CCDC138: variants seen among roughly 807,000 people sequenced by gnomAD.
The protein encoded by CCDC138 is coiled-coil domain containing 138.
A neutral mutation model predicts 82.3 loss-of-function variants in CCDC138; 66 were observed. The observed-to-expected ratio is 0.80, with a 90% CI of 0.66 to 0.98. The LOEUF is 0.98. Ranked by LOEUF, CCDC138 falls within the 50% of genes least tolerant of loss-of-function variation. The pLI is 0.00. For missense variants in CCDC138, 816 were observed against 758.9 expected, an observed-to-expected ratio of 1.08 and a Z score of -0.88; for synonymous variants, 297 against 265.4, an observed-to-expected ratio of 1.12 and a Z score of -1.16.
intron 10 of CCDC138, among the ~76,000 whole-genome samples, chr2:108,817,432 A>G (rs1422816163): frequency 6.6e-6 from 1 of 152,014 alleles, no homozygotes; most frequent in East Asian, 1.9e-4. Flanking sequence ...AGCTGAGACT[A>G]CAGGTGTGTG....
At chr2:108,788,217 G>A in intron 2 of CCDC138, 128 bp downstream of exon 2, 1 of 865,984 alleles carries the variant, frequency 1.2e-6, no homozygotes, top group Non-Finnish European at 1.7e-6. Context: ...TCAGGAGTTC[G>A]AGACCACTCA....
chr2:108,820,712 A>AAAC (rs79891738), intron 10 of CCDC138, among the ~76,000 whole-genome samples: 1,471 of 22,552 alleles, frequency 0.065, 27 homozygotes, highest in East Asian at 0.39. Context: ...AAAAAAAAAA[A>AAAC]AAACAAACAA....
At position 108,824,170 on chromosome 2, in the gene CCDC138, ATT is replaced by A. The variant is rs34458775; in HGVS notation, c.1206+8070_1206+8071del. Among the ~76,000 whole-genome samples the A allele has an allele frequency of 1.9e-3, 286 of 151,850 alleles. 3 individuals are homozygous for A. Among genetic ancestry groups the A allele is most frequent in the African/African-American group, 6.7e-3 (277 of 41,410 alleles). On this transcript the variant is annotated intron_variant, in intron 10 of 14. Transcript: ENST00000295124. Reference sequence around the variant, plus strand: ...GACTACACTAAATTTAGAAAAAAAAATTTTTTCTTCATTAACAAATTAAGCTT... The same window carrying A: ...GACTACACTAAATTTAGAAAAAAAAATTTTCTTCATTAACAAATTAAGCTT...
chr2:108,878,435 A>G (rs930696871), downstream of CCDC138: 5 of 215,942 alleles, frequency 2.3e-5, no homozygotes, highest in African/African-American at 1.2e-4. Context: ...AAGAGGAGAC[A>G]CTGGAGAGGA....
At chr2:108,873,616 T>A in intron 14 of CCDC138, 27 bp downstream of exon 14, 2 of 1,511,980 alleles carry the variant, frequency 1.3e-6, no homozygotes. Flanking sequence ...TCTAACATTT[T>A]TTATTGAAAA....
chr2:108,848,269 ATATT>A, intron 12 of CCDC138, among the ~76,000 whole-genome samples: 1 of 152,332 alleles, frequency 6.6e-6, no homozygotes. Context: ...GCAATAAGGG[ATATT>A]TATGTGAAAT....
At position 108,812,864 on chromosome 2, in the gene CCDC138, C is replaced by G. The variant is rs1184678395; in HGVS notation, c.978C>G (p.Ser326=). Reference sequence around the variant, plus strand: ...CAATACAGAGATTGAAAGGAAGTTCCCATGCTGTTCATGAAATGAAAAGTT... The same window carrying G: ...CAATACAGAGATTGAAAGGAAGTTCGCATGCTGTTCATGAAATGAAAAGTT... ...FMTIQRLKGS[S]HAVHEMKSLK... Residue 326 remains serine (S), a synonymous_variant, in exon 9 of 15, where the codon TCC becomes TCG. Coordinates refer to ENST00000295124, the MANE Select transcript of CCDC138 (RefSeq NM_144978.3). 1.2e-6 allele frequency: 2 copies of G among 1,613,374 alleles called. No homozygotes were observed. Among genetic ancestry groups the G allele is most frequent in the Admixed American group, 3.3e-5 (2 of 59,992 alleles).
chr2:108,822,894 T>G (rs532394944), intron 10 of CCDC138, among the ~76,000 whole-genome samples: 1 of 151,998 alleles, frequency 6.6e-6, no homozygotes, highest in East Asian at 1.9e-4. Flanking sequence ...ATCAACAAAA[T>G]TGACAAACCG....
At chr2:108,877,519 T>C (rs1696113059), downstream of CCDC138, among the ~76,000 whole-genome samples, 2 of 151,836 alleles carry the variant, frequency 1.3e-5, no homozygotes, top group South Asian at 4.2e-4. Flanking sequence ...AAGTGCACAT[T>C]AGAAACAAAA....
intron 7 of CCDC138, among the ~76,000 whole-genome samples, chr2:108,807,673 A>G (rs1683091567): frequency 6.6e-6 from 1 of 152,152 alleles, no homozygotes; most frequent in Non-Finnish European, 1.5e-5. Context: ...GCAGGAGTGC[A>G]GTGGCATGAT....
At chr2:108,849,354 G>GA (rs1691033233) in intron 12 of CCDC138, among the ~76,000 whole-genome samples, 1 of 152,056 alleles carries the variant, frequency 6.6e-6, no homozygotes, top group Non-Finnish European at 1.5e-5. Flanking sequence ...CAAATCCAAG[G>GA]AGCATGTCCA....
chr2:108,799,993 CTT>C (rs1416031059), intron 6 of CCDC138, among the ~76,000 whole-genome samples: 3 of 152,006 alleles, frequency 2.0e-5, no homozygotes, highest in African/African-American at 7.2e-5. Flanking sequence ...GCATTTCTGT[CTT>C]TATATTTACA....
intron 6 of CCDC138, among the ~76,000 whole-genome samples, chr2:108,800,545 G>A (rs900182231): frequency 2.7e-5 from 4 of 149,888 alleles, no homozygotes; most frequent in Non-Finnish European, 4.4e-5. Flanking sequence ...GATCACAGGC[G>A]TGCCTGGCCA....
chr2:108,872,302 A>C (rs1262476129), intron 13 of CCDC138, among the ~76,000 whole-genome samples: 2 of 152,082 alleles, frequency 1.3e-5, no homozygotes, highest in Admixed American at 6.5e-5. Flanking sequence ...GAATACATTC[A>C]TTCCATCCCA....
chr2:108,862,091 T>TA (rs56086737), intron 13 of CCDC138, among the ~76,000 whole-genome samples: 5 of 151,184 alleles, frequency 3.3e-5, no homozygotes, highest in East Asian at 1.9e-4. Context: ...TTTTTTTTTT[T>TA]ATTTGTTGAG....
In CCDC138 at chr2:108,798,031, C is replaced by T. The variant is rs181843685; in HGVS notation, c.577-397C>T. 7.8e-4 allele frequency among the ~76,000 whole-genome samples: 117 copies of T among 149,866 alleles called. 1 individual carries two copies. The highest frequency in any genetic ancestry group is 2.7e-3 in the African/African-American group (110 of 40,698). On this transcript the variant is annotated intron_variant, in intron 5 of 14. Transcript: ENST00000295124. The stretch of plus-strand genomic sequence containing the variant: ...GGGACCAGGGAAGGTGATCAGTGTG[C>T]TAATCTAGACCTCGTTCTTTCAGCC...
At chr2:108,862,186 C>A (rs1438610595) in intron 13 of CCDC138, among the ~76,000 whole-genome samples, 1 of 150,454 alleles carries the variant, frequency 6.6e-6, no homozygotes, top group African/African-American at 2.4e-5. Context: ...GGGAATGACC[C>A]ATGCCACTTA....
intron 13 of CCDC138, 137 bp downstream of exon 13, chr2:108,857,107 T>G: frequency 6.8e-6 from 3 of 438,642 alleles, no homozygotes; most frequent in South Asian, 3.3e-5. Context: ...TGAGATGGAG[T>G]CTCGCTTTGT....
At chr2:108,830,951 G>C (rs1687480422) in intron 10 of CCDC138, among the ~76,000 whole-genome samples, 1 of 152,188 alleles carries the variant, frequency 6.6e-6, no homozygotes, top group African/African-American at 2.4e-5. Context: ...GAGGCAGGCA[G>C]ATCACTTGAG....
Sources: gnomAD v4.1 joint callset for allele counts (sites outside exome capture counted in the v4.1 genomes callset) on GRCh38, gnomAD v4.1.1 for gene constraint, MANE v1.5 for transcripts, NCBI Gene and HGNC (gene_info 2026-07-23, HGNC 2026-07-21) for gene names.